Variants in ARRDC3 observed in about 807,000 individuals in gnomAD.
ARRDC3 encodes the protein arrestin domain-containing protein 3.
Under a neutral mutation model 47.2 loss-of-function variants are expected in ARRDC3, and 10 were observed. The observed-to-expected ratio is 0.21, with a 90% CI of 0.13 to 0.36. ARRDC3 has a LOEUF of 0.36. Among genes scored for constraint, ARRDC3 ranks in the 10% least tolerant of loss-of-function variants. The probability of loss-of-function intolerance (pLI) is 1.00; values close to 1 mark genes in which losing one functional copy is unlikely to be tolerated. For missense variants in ARRDC3, 381 were observed against 503.6 expected, an observed-to-expected ratio of 0.76 and a Z score of 2.33; for synonymous variants, 156 against 178.3, an observed-to-expected ratio of 0.87 and a Z score of 1.00.
Position 91,374,206 on chromosome 5 carries a change from A to G in ARRDC3, c.941T>C (p.Leu314Pro). 1 of 1,614,038 alleles carries G rather than the reference A, an allele frequency of 6.2e-7. No individual in the cohort carries two copies. The highest frequency in any genetic ancestry group is 2.2e-5 in the East Asian group (1 of 44,852). ...TGAGGTTCTGCTACCAAATGGATGT[A>G]GAGGAATGGTACCGATGACAAGTGG... ...NLPLVIGTIP[L>P]HPFGSRTSSV... is the part of the protein sequence containing the mutation. Residue 314 changes from leucine to proline, a missense_variant, in exon 6 of 8, where the codon CTA (leucine) becomes CCA (proline). By Grantham distance (98) the Leu-to-Pro change is moderately conservative. Transcript: ENST00000265138.
chr5:91,375,227 AAAG>A (rs747335776), intron 4 of ARRDC3, 49 bp from the exon 5 acceptor site: 1 of 1,535,094 alleles, frequency 6.5e-7, no homozygotes, highest in Non-Finnish European at 8.8e-7. Flanking sequence ...AAAAACAACA[AAAG>A]AAGTCAAGAT....
Position 91,371,501 on chromosome 5 carries a change from G to C in ARRDC3, c.1189-45C>G, listed in dbSNP as rs1370879975. 10 of 1,473,530 alleles carry C rather than the reference G, an allele frequency of 6.8e-6. No individual in the cohort carries two copies. The Admixed American group carries it at 7.2e-5, about 11-fold the overall frequency. 91.3% of individuals were successfully genotyped at this position (1,473,530 alleles called of 1,614,324 possible). A position where few individuals can be genotyped will look rare whatever the true frequency, so the allele number is the denominator to read the frequency against. On this transcript the variant is annotated intron_variant, in intron 7 of 7. Coordinates refer to ENST00000265138, the MANE Select transcript of ARRDC3 (RefSeq NM_020801.4). Reference sequence around the variant, plus strand: ...AAAGTTTACAGAGTTATTTCATGAGGTCTAGGAAGAATGTAGCAAATGACT... The same window carrying C: ...AAAGTTTACAGAGTTATTTCATGAGCTCTAGGAAGAATGTAGCAAATGACT...
At chr5:91,371,642 T>C (rs1364773693) in intron 7 of ARRDC3, among the ~76,000 whole-genome samples, 186 bp from the exon 8 acceptor site, 2 of 152,182 alleles carry the variant, frequency 1.3e-5, no homozygotes, top group Non-Finnish European at 2.9e-5. Context: ...GGAAAGGGTG[T>C]TGGTACCTAC....
chr5:91,371,269 T>C lies in ARRDC3; in HGVS notation c.*131A>G, dbSNP rs1444755059. The C allele has an allele frequency of 1.7e-5, 12 of 710,858 alleles. No individual in the cohort carries two copies. Among genetic ancestry groups the C allele is most frequent in the East Asian group, 1.6e-4 (6 of 37,202 alleles). 44.0% of individuals were successfully genotyped at this position (710,858 alleles called of 1,614,324 possible). ...TAAAGCATGATCACTGGTTGTTTCA[T>C]GTATTCGCCATTTTTCTGGGCAAAA... is the stretch of plus-strand genomic sequence containing the variant. On this transcript the variant is annotated 3_prime_UTR_variant, in exon 8 of 8. Transcript: ENST00000265138.
chr5:91,377,157 C>G (rs918607578), intron 2 of ARRDC3, among the ~76,000 whole-genome samples: 1 of 152,136 alleles, frequency 6.6e-6, no homozygotes, highest in Non-Finnish European at 1.5e-5. Context: ...GTTAAACATT[C>G]AGACCAAATT....
intron 3 of ARRDC3, 58 bp downstream of exon 3, chr5:91,376,563 T>C: frequency 4.2e-6 from 6 of 1,438,932 alleles, no homozygotes; most frequent in East Asian, 2.3e-5. Context: ...AGGTGATTGA[T>C]TATTCTTTAA....
rs1411993162 is a variant in ARRDC3 at position 91,369,680 on chromosome 5, C to CCCAT, written c.*1716_*1719dup. ...GTTAAATGGCAGGATAGATGTAACA[C>CCCAT]CCATTTTACACGTATGTTGCAACAT... On this transcript the variant is annotated 3_prime_UTR_variant, in exon 8 of 8. Coordinates refer to ENST00000265138, the MANE Select transcript of ARRDC3 (RefSeq NM_020801.4). 1 of 152,180 alleles carries CCCAT rather than the reference C, an allele frequency of 6.6e-6. No individual in the cohort carries two copies. Among genetic ancestry groups the CCCAT allele is most frequent in the East Asian group, 1.9e-4 (1 of 5,194 alleles). The allele number at this position is 152,180 out of a possible 1,614,324, so 9.4% of individuals were successfully genotyped here.
chr5:91,378,654 A>G (rs763365960), intron 2 of ARRDC3, 40 bp downstream of exon 2: 9 of 1,094,332 alleles, frequency 8.2e-6, no homozygotes, highest in Middle Eastern at 2.3e-4. Flanking sequence ...TGCTCTGATC[A>G]TAAGTATCTA....
intron 2 of ARRDC3, 107 bp from the exon 3 acceptor site, chr5:91,376,875 G>T: frequency 1.8e-6 from 2 of 1,089,392 alleles, no homozygotes; most frequent in Non-Finnish European, 2.4e-6. Context: ...ATGTTCCAAT[G>T]AGGTATCAAA....
At chr5:91,371,483 A>G in intron 7 of ARRDC3, 27 bp from the exon 8 acceptor site, 1 of 1,586,272 alleles carries the variant, frequency 6.3e-7, no homozygotes, top group Non-Finnish European at 8.6e-7. Context: ...AAAAAAGTTT[A>G]CAGAGTTATT....
chr5:91,375,357 C>T (rs1799277253), intron 4 of ARRDC3, 154 bp downstream of exon 4: 1 of 895,228 alleles, frequency 1.1e-6, no homozygotes, highest in East Asian at 2.7e-5. Flanking sequence ...AAGGAAACTA[C>T]ATTCTACTTT....
rs1394065046 is a variant in ARRDC3 at position 91,376,728 on chromosome 5, G to T, written c.403C>A (p.Arg135Ser). ...TSFEGRHGSV[R>S]YWVKAELHRP... is the part of the protein sequence containing the mutation. ...TGCAATTCGGCTTTCACCCAATAGC[G>T]CACACTGCCATGTCGGCCTTCGAAT... Residue 135 changes from arginine to serine, a missense_variant, in exon 3 of 8, where the codon CGC (arginine) becomes AGC (serine). Coordinates refer to ENST00000265138, the MANE Select transcript of ARRDC3 (RefSeq NM_020801.4). 6.2e-7 allele frequency: 1 copy of T among 1,613,688 alleles called. No homozygotes were observed. Among genetic ancestry groups the T allele is most frequent in the African/African-American group, 1.3e-5 (1 of 74,888 alleles).
At chr5:91,381,142 G>A (rs1447686580) in intron 1 of ARRDC3, 1 of 151,830 alleles carries the variant, frequency 6.6e-6, no homozygotes, top group East Asian at 1.9e-4. Flanking sequence ...TAGTTTGAGA[G>A]CTCCCAGTTT....
chr5:91,382,501 G>C (rs1213394883), intron 1 of ARRDC3, among the ~76,000 whole-genome samples: 2 of 152,220 alleles, frequency 1.3e-5, no homozygotes, highest in Non-Finnish European at 2.9e-5. Flanking sequence ...AAATATATTA[G>C]TAAAACGACT....
Position 91,373,676 on chromosome 5 carries a change from G to GT in ARRDC3, c.1188+7dup. Reference sequence around the variant, plus strand: ...AGTTCATTTCATACTTAAGGAGTAGGTACTTACCTCTGAATAAAGAGGTGG... The same window carrying GT: ...AGTTCATTTCATACTTAAGGAGTAGGTTACTTACCTCTGAATAAAGAGGTGG... On this transcript the variant is annotated splice_region_variant and intron_variant, in intron 7 of 7. Transcript: ENST00000265138. 1 of 1,612,262 alleles carries GT rather than the reference G, an allele frequency of 6.2e-7. No homozygotes were observed. Among genetic ancestry groups the GT allele is most frequent in the Non-Finnish European group, 8.5e-7 (1 of 1,178,674 alleles).
intron 2 of ARRDC3, among the ~76,000 whole-genome samples, chr5:91,378,184 C>G (rs895842160): frequency 2.6e-5 from 4 of 151,858 alleles, no homozygotes; most frequent in African/African-American, 7.3e-5. Flanking sequence ...CCCAATAGTT[C>G]TTTGTACAGA....
chr5:91,378,629 T>C (rs951740438), intron 2 of ARRDC3, 65 bp downstream of exon 2: 3 of 940,724 alleles, frequency 3.2e-6, no homozygotes, highest in Non-Finnish European at 4.7e-6. Flanking sequence ...TTTAGAATAC[T>C]TAATTTTAAA....
rs1799159263 is a variant in ARRDC3 at position 91,370,995 on chromosome 5, T to G, written c.*405A>C. The G allele has an allele frequency of 7.5e-6, 1 of 132,638 alleles. No homozygotes were observed. Among genetic ancestry groups the G allele is most frequent in the African/African-American group, 3.3e-5 (1 of 29,922 alleles). The allele number at this position is 132,638 out of a possible 1,614,324, so 8.2% of individuals were successfully genotyped here. On this transcript the variant is annotated 3_prime_UTR_variant, in exon 8 of 8. Transcript: ENST00000265138. ...AAACAAGTTTTAAGAGTATCAAGAG[T>G]CTGGCAAAAATAGAAAAAAAAAAAA...
At chr5:91,373,549 T>TA in intron 7 of ARRDC3, 135 bp downstream of exon 7, 1 of 942,596 alleles carries the variant, frequency 1.1e-6, no homozygotes, top group Non-Finnish European at 1.6e-6. Context: ...AATATTAACT[T>TA]TTAATCTGTT....
Sources: allele counts gnomAD v4.1 joint callset (sites outside exome capture counted in the v4.1 genomes callset), GRCh38; gene constraint gnomAD v4.1.1; transcripts MANE v1.5; gene names NCBI Gene and HGNC (gene_info 2026-07-23, HGNC 2026-07-21).